The following PEX1 variants were observed in gnomAD, a reference collection of about 807,000 sequenced individuals.
PEX1 encodes peroxisomal ATPase PEX1.
Under a neutral mutation model 152.5 loss-of-function variants are expected in PEX1, and 97 were observed. That is an observed-to-expected ratio of 0.64 (90% CI 0.54 to 0.75). The LOEUF is 0.75. PEX1 is among the 30% of genes least tolerant of loss of function. The probability of loss-of-function intolerance (pLI) is 0.00; values close to 1 mark genes in which losing one functional copy is unlikely to be tolerated. For synonymous variants in PEX1, 485 were observed against 531.6 expected (o/e 0.91, Z 1.21); for missense variants, 1,357 against 1,516.3 (o/e 0.89, Z 1.74).
chr7:92,518,142 A>G lies in PEX1; in HGVS notation c.471T>C (p.Ile157=). 2 of 1,608,640 alleles carry G rather than the reference A, an allele frequency of 1.2e-6. No individual in the cohort carries two copies. The highest frequency in any genetic ancestry group is 1.7e-6 in the Non-Finnish European group (2 of 1,175,090). ...VDQQTYIFIQ[I]VALIPAASYG... is the part of the protein sequence containing the mutation. Reference sequence around the variant, plus strand: ...AGCAAATATTACAATAGCACCTACCAATTTGGATAAATATGTACGTTTGTT... The same window carrying G: ...AGCAAATATTACAATAGCACCTACCGATTTGGATAAATATGTACGTTTGTT... Residue 157 remains isoleucine (I), a splice_region_variant and synonymous_variant, in exon 4 of 24, where the codon ATT becomes ATC. Coordinates refer to ENST00000248633, the MANE Select transcript of PEX1 (RefSeq NM_000466.3).
chr7:92,499,073 T>C (rs1791796357), intron 16 of PEX1, among the ~76,000 whole-genome samples: 1 of 152,096 alleles, frequency 6.6e-6, no homozygotes, highest in South Asian at 2.1e-4. Flanking sequence ...TTGAGAAACA[T>C]AATGGTGTTG....
At chr7:92,524,762 GAGTGT>G (rs915790098) in intron 1 of PEX1, among the ~76,000 whole-genome samples, 1 of 152,136 alleles carries the variant, frequency 6.6e-6, no homozygotes, top group African/African-American at 2.4e-5. Flanking sequence ...TCTTTCAACT[GAGTGT>G]ATTTTGCCTA....
At chr7:92,496,119 C>T (rs774772030) in intron 17 of PEX1, among the ~76,000 whole-genome samples, 3 of 151,902 alleles carry the variant, frequency 2.0e-5, no homozygotes, top group Non-Finnish European at 4.4e-5. Context: ...ATTATTCTTC[C>T]TTAAGCTGCA....
rs527381642 is a variant in PEX1 at position 92,493,015 on chromosome 7, C to T, written c.3145G>A (p.Ala1049Thr). The change falls in exon 20 of 24, where the codon GCT becomes ACT. Residue 1049 changes from alanine (A) to threonine (T), a missense_variant. Coordinates refer to ENST00000248633, the MANE Select transcript of PEX1 (RefSeq NM_000466.3). ...TDSFTGADLK[A>T]LLYNAQLEAL... ...TCCAATTGGGCATTGTAAAGTAAAG[C>T]TTTCAGATCAGCTCCAGTAAAGGAG... 6.2e-7 allele frequency: 1 copy of T among 1,613,792 alleles called. No homozygotes were observed. Among genetic ancestry groups the T allele is most frequent in the South Asian group, 1.1e-5 (1 of 91,070 alleles).
intron 1 of PEX1, among the ~76,000 whole-genome samples, 169 bp from the exon 2 acceptor site, chr7:92,522,414 C>T (rs112250901): frequency 1.8e-4 from 26 of 147,562 alleles, no homozygotes; most frequent in Admixed American, 5.5e-4. Context: ...TTTCCAACAC[C>T]CAATGCTGGT....
At chr7:92,518,662 C>T (rs774191933) in intron 3 of PEX1, among the ~76,000 whole-genome samples, 15 of 152,170 alleles carry the variant, frequency 9.9e-5, no homozygotes, top group Non-Finnish European at 1.9e-4. Flanking sequence ...CTTGACTTTA[C>T]GGGCTCAAGC....
In PEX1 at chr7:92,518,190, G is replaced by T. The variant is rs2116248825; in HGVS notation, c.423C>A (p.Ala141=). Residue 141 remains alanine, a synonymous_variant, in exon 4 of 24, where the codon GCC becomes GCA. Transcript: ENST00000248633. ...GTTGATCAACCCAAACAGGAAAAAT[G>T]GCTTTTGGAAAAACTATTCGAATTT... ...LDQIRIVFPK[A]IFPVWVDQQT... is the part of the protein sequence containing the mutation. The T allele has an allele frequency of 6.2e-7, 1 of 1,613,812 alleles. No homozygotes were observed. Among genetic ancestry groups the T allele is most frequent in the Non-Finnish European group, 8.5e-7 (1 of 1,179,778 alleles).
At chr7:92,514,058 T>C in intron 5 of PEX1, 91 bp from the exon 6 acceptor site, 1 of 799,528 alleles carries the variant, frequency 1.3e-6, no homozygotes, top group Non-Finnish European at 2.0e-6. Flanking sequence ...TTAGCTTCTA[T>C]GAATTTAGGT....
intron 6 of PEX1, among the ~76,000 whole-genome samples, chr7:92,512,982 A>T (rs1440179336): frequency 1.3e-5 from 2 of 152,116 alleles, no homozygotes; most frequent in Non-Finnish European, 2.9e-5. Context: ...CCAGTATCCA[A>T]AGAATTAACT....
At chr7:92,499,211 A>G (rs886689449) in intron 16 of PEX1, among the ~76,000 whole-genome samples, 2 of 152,226 alleles carry the variant, frequency 1.3e-5, no homozygotes, top group African/African-American at 4.8e-5. Context: ...TCTACTCCTC[A>G]GTTTATACCC....
intron 7 of PEX1, among the ~76,000 whole-genome samples, chr7:92,511,367 C>T (rs574253780): frequency 7.9e-5 from 12 of 152,260 alleles, no homozygotes; most frequent in East Asian, 7.7e-4. Flanking sequence ...TCAAGTGATC[C>T]GCCTGCCTCG....
At chr7:92,527,811 G>C (rs936569722) in intron 1 of PEX1, among the ~76,000 whole-genome samples, 1 of 152,212 alleles carries the variant, frequency 6.6e-6, no homozygotes, top group African/African-American at 2.4e-5. Context: ...GCTGTGTTCC[G>C]CGTCAGCGAC....
At chr7:92,501,702 A>G (rs1791935423) in intron 14 of PEX1, 29 bp from the exon 15 acceptor site, 1 of 1,571,480 alleles carries the variant, frequency 6.4e-7, no homozygotes, top group Non-Finnish European at 8.7e-7. Context: ...AACTTCTTTT[A>G]CTAGTTATAT....
At position 92,517,241 on chromosome 7, in the gene PEX1, T is replaced by G. The variant is rs751923882; in HGVS notation, c.1239+35A>C. 19 of 1,508,846 alleles carry G rather than the reference T, an allele frequency of 1.3e-5. No individual in the cohort carries two copies. In the African/African-American group the frequency reaches 2.1e-4, roughly 16 times the overall value. 93.5% of individuals were successfully genotyped at this position (1,508,846 alleles called of 1,614,324 possible). A position where few individuals can be genotyped will look rare whatever the true frequency, so the allele number is the denominator to read the frequency against. On this transcript the variant is annotated intron_variant, in intron 5 of 23. Transcript: ENST00000248633. Reference sequence around the variant, plus strand: ...ATAATTTGGGGATGTTTAAGCCACATAAAATTTCTCCCAAGTTATAAAATT... The same window carrying G: ...ATAATTTGGGGATGTTTAAGCCACAGAAAATTTCTCCCAAGTTATAAAATT...
intron 16 of PEX1, among the ~76,000 whole-genome samples, chr7:92,499,422 C>T (rs1231853929): frequency 6.6e-6 from 1 of 152,094 alleles, no homozygotes; most frequent in Non-Finnish European, 1.5e-5. Flanking sequence ...GAAAACATTA[C>T]ATAAGTGAAA....
At position 92,507,144 on chromosome 7, in the gene PEX1, A is replaced by C; in HGVS notation, c.1671-18T>G. The C allele has an allele frequency of 6.2e-7, 1 of 1,611,018 alleles. No homozygotes were observed. Among genetic ancestry groups the C allele is most frequent in the Non-Finnish European group, 8.5e-7 (1 of 1,177,294 alleles). ...TCACTCCTCTGTAAAAAATATACAT[A>C]GTTACATGATAAAAGACTGAAGCAG... On this transcript the variant is annotated intron_variant, in intron 9 of 23. Coordinates refer to ENST00000248633, the MANE Select transcript of PEX1 (RefSeq NM_000466.3).
At position 92,518,203 on chromosome 7, in the gene PEX1, A is replaced by G. The variant is rs1784530236; in HGVS notation, c.410T>C (p.Val137Ala). The change falls in exon 4 of 24, where the codon GTT becomes GCT. Residue 137 changes from valine (V) to alanine (A), a missense_variant. Val to Ala is a moderately conservative substitution (Grantham distance 64, BLOSUM62 0). Coordinates refer to ENST00000248633, the MANE Select transcript of PEX1 (RefSeq NM_000466.3). ...AACAGGAAAAATGGCTTTTGGAAAA[A>G]CTATTCGAATTTGATCTAGAAGATG... The part of the protein sequence containing the change: ...EQHLLDQIRI[V>A]FPKAIFPVWV... 6.2e-7 allele frequency: 1 copy of G among 1,613,816 alleles called. No homozygotes were observed. The highest frequency in any genetic ancestry group is 1.7e-5 in the Admixed American group (1 of 60,008).
At chr7:92,489,085 A>G (rs1432352841) in intron 23 of PEX1, among the ~76,000 whole-genome samples, 1 of 152,224 alleles carries the variant, frequency 6.6e-6, no homozygotes, top group African/African-American at 2.4e-5. Context: ...AATATAATCA[A>G]ATGAACTGGT....
At position 92,504,772 on chromosome 7, in the gene PEX1, C is replaced by CT; in HGVS notation, c.2030dup (p.His678AlafsTer4). On this transcript the variant is annotated frameshift_variant, in exon 12 of 24. Coordinates refer to ENST00000248633, the MANE Select transcript of PEX1 (RefSeq NM_000466.3). LOFTEE classifies it high-confidence loss of function. ...GGCTCTGCACCGCATCAGGACTGTGCTCATGTTCCGGGACAGCAGGCAGTC... is the reference window on the plus strand; with the variant it reads ...GGCTCTGCACCGCATCAGGACTGTGCTTCATGTTCCGGGACAGCAGGCAGTC... 6.2e-7 allele frequency: 1 copy of CT among 1,614,192 alleles called. No individual in the cohort carries two copies. The highest frequency in any genetic ancestry group is 8.5e-7 in the Non-Finnish European group (1 of 1,180,030).
Sources: gnomAD v4.1 joint callset for allele counts (sites outside exome capture counted in the v4.1 genomes callset) on GRCh38, gnomAD v4.1.1 for gene constraint, MANE v1.5 for transcripts, NCBI Gene and HGNC (gene_info 2026-07-23, HGNC 2026-07-21) for gene names.